Variants in GALNT16 observed in about 807,000 individuals in gnomAD.
GALNT16 encodes UDP-GalNAc:polypeptide N-acetylgalactosaminyltransferase-like protein 1.
In GALNT16, 40 loss-of-function variants were observed where a neutral mutation model predicts 76.1. The ratio of observed to expected loss-of-function variants is 0.53; its 90% CI spans 0.41 to 0.68. The LOEUF is 0.68. Ranked by LOEUF, GALNT16 falls within the 30% of genes least tolerant of loss-of-function variation. The pLI is 0.00. For synonymous variants in GALNT16, 276 were observed against 285.2 expected, an observed-to-expected ratio of 0.97 and a Z score of 0.32; for missense variants, 621 against 731.9, an observed-to-expected ratio of 0.85 and a Z score of 1.75.
the GALNT16 span, among the ~76,000 whole-genome samples, chr14:69,383,247 T>C: frequency 6.6e-6 from 1 of 152,376 alleles, no homozygotes; most frequent in African/African-American, 2.4e-5. Flanking sequence ...TTATTATTAA[T>C]GCATGGTCAG....
At chr14:69,374,020 A>G in the GALNT16 span, among the ~76,000 whole-genome samples, 3 of 152,174 alleles carry the variant, frequency 2.0e-5, no homozygotes, top group Admixed American at 1.3e-4. Flanking sequence ...AGCTCAAGTG[A>G]TCTGCCCGCC....
intron 9 of GALNT16, among the ~76,000 whole-genome samples, chr14:69,338,136 G>T: frequency 6.6e-6 from 1 of 152,210 alleles, no homozygotes; most frequent in Non-Finnish European, 1.5e-5. Context: ...CATGGCTCAA[G>T]AGGGCCAGTG....
chr14:69,275,660 C>A (rs2044462680), intron 1 of GALNT16, among the ~76,000 whole-genome samples: 1 of 152,140 alleles, frequency 6.6e-6, no homozygotes, highest in Non-Finnish European at 1.5e-5. Flanking sequence ...AGTTTGAGAC[C>A]AGCTTGGGTA....
intron 9 of GALNT16, 56 bp from the exon 10 acceptor site, chr14:69,338,595 C>T: frequency 6.3e-7 from 1 of 1,597,470 alleles, no homozygotes; most frequent in Non-Finnish European, 8.6e-7. Flanking sequence ...AGCCCCTTCC[C>T]ACCCTCACTT....
At chr14:69,351,500 G>A (rs2045636267) in intron 14 of GALNT16, 1 of 152,416 alleles carries the variant, frequency 6.6e-6, no homozygotes, top group Admixed American at 6.5e-5. Flanking sequence ...ATCTGGACAG[G>A]AACTTCTGCA....
rs1295641067 is a variant in GALNT16 at position 69,324,682 on chromosome 14, C to G, written c.336-10C>G. 7 of 1,567,236 alleles carry G rather than the reference C, an allele frequency of 4.5e-6. No individual in the cohort carries two copies. The highest frequency in any genetic ancestry group is 5.2e-6 in the Non-Finnish European group (6 of 1,142,958). ...CATGGCTGGCTCTGACCTCTGTGCT[C>G]CCTTCTCAGCTGCCCATCTGTGTCC... On this transcript the variant is annotated splice_polypyrimidine_tract_variant and intron_variant, in intron 2 of 14. Transcript: ENST00000448469.
downstream of GALNT16, chr14:69,355,166 C>T (rs986524608): frequency 1.3e-5 from 2 of 152,244 alleles, no homozygotes; most frequent in Non-Finnish European, 2.9e-5. Context: ...ACTAGCCTCT[C>T]CTGGACGCAA....
Position 69,261,101 on chromosome 14 carries a change from C to T in GALNT16, c.177+634C>T, listed in dbSNP as rs72720288. On this transcript the variant is annotated intron_variant, in intron 1 of 14. Coordinates refer to ENST00000448469, the MANE Select transcript of GALNT16 (RefSeq NM_001168368.2). This position sits in a 1 kb window ranked among gnomAD's most constrained non-coding sequence, Gnocchi z 6.4. ...GTCTCTCACTCCCAACCTTAGGGTCCGCCACCACGGGTAGGTGGGCAGTGT... is the reference window on the plus strand; with the variant it reads ...GTCTCTCACTCCCAACCTTAGGGTCTGCCACCACGGGTAGGTGGGCAGTGT... Among the ~76,000 whole-genome samples, 6,125 of 152,292 alleles carry T rather than the reference C, an allele frequency of 0.04. 179 individuals carry two copies. Among genetic ancestry groups the T allele is most frequent in the Non-Finnish European group, 0.063 (4,301 of 68,006 alleles).
the GALNT16 span, chr14:69,380,104 A>G: frequency 0.053 from 8,067 of 152,968 alleles, 328 homozygotes; most frequent in East Asian, 0.094. Flanking sequence ...AAGACAAAAA[A>G]AAAAAAAGCA....
chr14:69,266,343 A>G (rs2044342277), intron 1 of GALNT16, among the ~76,000 whole-genome samples: 1 of 152,242 alleles, frequency 6.6e-6, no homozygotes, highest in African/African-American at 2.4e-5. Context: ...ATAAGCATCC[A>G]TTGACATGAT....
In GALNT16 at chr14:69,310,007, T is replaced by C. The variant is rs1371243982; in HGVS notation, c.178-10704T>C. On this transcript the variant is annotated intron_variant, in intron 1 of 14. Coordinates refer to ENST00000448469, the MANE Select transcript of GALNT16 (RefSeq NM_001168368.2). ...TTCCACATTGCCTAGTCACTTTTCC[T>C]AACATCATTCACTGAATGGCATAGC... Among the ~76,000 whole-genome samples, 3 of 152,326 alleles carry C rather than the reference T, an allele frequency of 2.0e-5. No individual in the cohort carries two copies. In the East Asian group the frequency reaches 5.8e-4, roughly 29 times the overall value.
chr14:69,309,971 G>A (rs1336773714), intron 1 of GALNT16, among the ~76,000 whole-genome samples: 1 of 152,084 alleles, frequency 6.6e-6, no homozygotes, highest in African/African-American at 2.4e-5. Context: ...AATTAGTCCA[G>A]CTTTATTGAT....
At chr14:69,361,651 A>G (rs2140215478), downstream of GALNT16, among the ~76,000 whole-genome samples, 2 of 152,298 alleles carry the variant, frequency 1.3e-5, no homozygotes, top group South Asian at 4.1e-4. Context: ...AGGATGAGCC[A>G]ACGTTGGTTC....
chr14:69,354,660 TCTGGTGGGGGCCAACAGGTGG>T (rs962180005), downstream of GALNT16: 1 of 152,472 alleles, frequency 6.6e-6, no homozygotes, highest in Non-Finnish European at 1.5e-5. Flanking sequence ...TCCTGACTGC[TCTGGTGGGGGCCAACAGGTGG>T]CCCTACTGCA....
chr14:69,343,114 C>T (rs1262971961), intron 12 of GALNT16, among the ~76,000 whole-genome samples: 2 of 152,192 alleles, frequency 1.3e-5, no homozygotes, highest in Non-Finnish European at 2.9e-5. Context: ...TTGCACAGTC[C>T]GTACGCCTCA....
At chr14:69,308,701 A>G (rs1404208138) in intron 1 of GALNT16, among the ~76,000 whole-genome samples, 1 of 152,234 alleles carries the variant, frequency 6.6e-6, no homozygotes, top group African/African-American at 2.4e-5. Flanking sequence ...AACCAGGACA[A>G]GTGCTCATTC....
intron 1 of GALNT16, among the ~76,000 whole-genome samples, chr14:69,296,751 T>C (rs1461503621): frequency 5.3e-5 from 8 of 150,984 alleles, no homozygotes; most frequent in African/African-American, 2.0e-4. Flanking sequence ...GATAGATAGA[T>C]AGATAGATAG....
intron 3 of GALNT16, 84 bp from the exon 4 acceptor site, chr14:69,325,253 G>A (rs1443882343): frequency 1.2e-6 from 1 of 845,604 alleles, no homozygotes; most frequent in Non-Finnish European, 2.1e-6. Context: ...TGGGCGGCTG[G>A]GGAGTCCCAC....
In GALNT16 at chr14:69,328,435, C is replaced by A; in HGVS notation, c.569-15C>A. The A allele has an allele frequency of 6.2e-7, 1 of 1,612,732 alleles. No homozygotes were observed. ...GCCCAGTCCCAGCGCCAAGCCCTAT[C>A]TACTCCTCTTGTAGGGCTGATCCGG... On this transcript the variant is annotated splice_polypyrimidine_tract_variant and intron_variant, in intron 5 of 14. Transcript: ENST00000448469.
Sources: gnomAD v4.1 joint callset for allele counts (sites outside exome capture counted in the v4.1 genomes callset) on GRCh38, gnomAD v4.1.1 for gene constraint, Gnocchi (gnomAD v3.1) non-coding constraint, MANE v1.5 for transcripts, NCBI Gene and HGNC (gene_info 2026-07-23, HGNC 2026-07-21) for gene names.